KLHL29: variants seen among roughly 807,000 people sequenced by gnomAD.
The protein encoded by KLHL29 is kelch-like protein 29.
In KLHL29, 21 loss-of-function variants were observed where a neutral mutation model predicts 80.4. That is an observed-to-expected ratio of 0.26 (90% confidence interval 0.19 to 0.38). The LOEUF is 0.38. KLHL29 is among the 10% of genes least tolerant of loss of function. The pLI is 1.00. For synonymous variants in KLHL29, 511 were observed against 526.8 expected, an observed-to-expected ratio of 0.97 and a Z score of 0.41; for missense variants, 867 against 1,223.9, an observed-to-expected ratio of 0.71 and a Z score of 4.35.
At chr2:23,593,964 C>T (rs1411491648) in intron 3 of KLHL29, among the ~76,000 whole-genome samples, 1 of 152,174 alleles carries the variant, frequency 6.6e-6, no homozygotes, top group Non-Finnish European at 1.5e-5. Flanking sequence ...TGATCATTTC[C>T]CTGCCATGTC....
chr2:23,565,420 C>T (rs950365217), intron 3 of KLHL29, among the ~76,000 whole-genome samples: 4 of 152,106 alleles, frequency 2.6e-5, no homozygotes, highest in Non-Finnish European at 5.9e-5. Context: ...TCAGATAAGA[C>T]ACAGCAGCCA....
chr2:23,667,628 C>T (rs1670589048), intron 5 of KLHL29: 2 of 152,128 alleles, frequency 1.3e-5, no homozygotes, highest in South Asian at 4.1e-4. Flanking sequence ...CTCAGCGTCA[C>T]CACCACTGCA....
chr2:23,407,879 C>CTT (rs1446706512), intron 1 of KLHL29, among the ~76,000 whole-genome samples: 2 of 152,050 alleles, frequency 1.3e-5, no homozygotes, highest in East Asian at 3.8e-4. Flanking sequence ...AATGCTACCT[C>CTT]TCATACATTA....
chr2:23,429,522 G>A (rs1663109606), intron 1 of KLHL29, among the ~76,000 whole-genome samples: 1 of 152,206 alleles, frequency 6.6e-6, no homozygotes, highest in Non-Finnish European at 1.5e-5. Context: ...GGAGGCCGAG[G>A]TGGGCGGATT....
chr2:23,497,901 A>G (rs1294545584), intron 2 of KLHL29, among the ~76,000 whole-genome samples: 2 of 152,224 alleles, frequency 1.3e-5, no homozygotes, highest in African/African-American at 4.8e-5. Context: ...AAAGTATTCA[A>G]GGAGACAGAG....
intron 2 of KLHL29, among the ~76,000 whole-genome samples, chr2:23,509,223 G>A (rs1465977386): frequency 4.6e-5 from 7 of 152,264 alleles, no homozygotes; most frequent in Middle Eastern, 6.8e-3. Flanking sequence ...TGGGGATACC[G>A]GGTTATTTCT....
At chr2:23,694,714 C>A (rs576482510) in intron 8 of KLHL29, among the ~76,000 whole-genome samples, 1 of 152,262 alleles carries the variant, frequency 6.6e-6, no homozygotes, top group South Asian at 2.1e-4. Context: ...CACTCTCTGA[C>A]GCCTCTACAC....
intron 2 of KLHL29, among the ~76,000 whole-genome samples, chr2:23,534,199 T>C (rs1424415160): frequency 1.3e-5 from 2 of 152,106 alleles, no homozygotes; most frequent in East Asian, 1.9e-4. Flanking sequence ...TGAGACCTGG[T>C]GTTGAATCCA....
At chr2:23,455,885 C>A (rs1664036601) in intron 1 of KLHL29, among the ~76,000 whole-genome samples, 1 of 151,808 alleles carries the variant, frequency 6.6e-6, no homozygotes, top group Non-Finnish European at 1.5e-5. Flanking sequence ...GGACATAGGG[C>A]CTTTAAAGGG....
At chr2:23,416,746 C>T (rs1022901238) in intron 1 of KLHL29, among the ~76,000 whole-genome samples, 2 of 152,188 alleles carry the variant, frequency 1.3e-5, no homozygotes, top group African/African-American at 4.8e-5. Flanking sequence ...CCTTCCTGGC[C>T]ACGTTCCCTT....
chr2:23,638,322 G>T (rs1439268871), intron 3 of KLHL29, among the ~76,000 whole-genome samples: 1 of 151,882 alleles, frequency 6.6e-6, no homozygotes, highest in African/African-American at 2.4e-5. Context: ...TAGTACACAT[G>T]ATTTTTGATA....
chr2:23,562,654 C>A lies in KLHL29; in HGVS notation c.285+173C>A, dbSNP rs11686638. Among the ~76,000 whole-genome samples, 89,037 of 151,848 alleles carry A rather than the reference C, an allele frequency of 0.59. 28,312 individuals carry two copies. The highest frequency in any genetic ancestry group is 0.8 in the East Asian group (4,121 of 5,144). ...TGGAAACTGTTTGCGAGCATTCATG[C>A]GGGTTTTATTATCCATGAAGTCTTT... On this transcript the variant is annotated intron_variant, in intron 3 of 13. Coordinates refer to ENST00000486442, the MANE Select transcript of KLHL29 (RefSeq NM_052920.2). This position sits in a 1 kb window ranked among gnomAD's most constrained non-coding sequence, Gnocchi z 4.5.
At chr2:23,409,071 CTGT>C (rs1240444613) in intron 1 of KLHL29, among the ~76,000 whole-genome samples, 3 of 152,098 alleles carry the variant, frequency 2.0e-5, no homozygotes, top group Non-Finnish European at 2.9e-5. Context: ...TGGGTAGAGC[CTGT>C]TGTTGTTGAG....
chr2:23,598,363 G>C (rs1215874740), intron 3 of KLHL29, among the ~76,000 whole-genome samples: 2 of 152,194 alleles, frequency 1.3e-5, no homozygotes, highest in African/African-American at 2.4e-5. Flanking sequence ...GGACAGAGTG[G>C]AAGAGTTTAA....
At chr2:23,618,149 C>T (rs1181521168) in intron 3 of KLHL29, among the ~76,000 whole-genome samples, 1 of 152,082 alleles carries the variant, frequency 6.6e-6, no homozygotes, top group East Asian at 1.9e-4. Context: ...TCCAGCCCTG[C>T]TTAGTATTAT....
At chr2:23,651,154 G>A (rs1018404099) in intron 5 of KLHL29, among the ~76,000 whole-genome samples, 6 of 152,138 alleles carry the variant, frequency 3.9e-5, no homozygotes, top group Admixed American at 1.3e-4. Flanking sequence ...CATTGAAATC[G>A]TTGTCATTGC....
At chr2:23,430,668 A>G (rs147119526) in intron 1 of KLHL29, among the ~76,000 whole-genome samples, 178 of 152,284 alleles carry the variant, frequency 1.2e-3, no homozygotes, top group African/African-American at 4.2e-3. Flanking sequence ...TTCCCCAGGA[A>G]ACTCACCCTG....
In KLHL29 at chr2:23,385,227, C is replaced by T. The variant is rs546556097; in HGVS notation, c.-707C>T. 1 of 148,926 alleles carries T rather than the reference C, an allele frequency of 6.7e-6. No individual in the cohort carries two copies. Among genetic ancestry groups the T allele is most frequent in the Non-Finnish European group, 1.5e-5 (1 of 66,828 alleles). The allele number at this position is 148,926 out of a possible 1,614,324, so 9.2% of individuals were successfully genotyped here. On this transcript the variant is annotated 5_prime_UTR_variant, in exon 1 of 14. Coordinates refer to ENST00000486442, the MANE Select transcript of KLHL29 (RefSeq NM_052920.2). ...GCCAGAAGGGAGCATGGTCCCCGCG[C>T]CGCGGCCGCGCCAGCCCCCGCGCCG...
chr2:23,391,485 T>C (rs1231588008), intron 1 of KLHL29, among the ~76,000 whole-genome samples: 2 of 152,182 alleles, frequency 1.3e-5, no homozygotes, highest in Non-Finnish European at 2.9e-5. Flanking sequence ...TGGAGTGCAA[T>C]GGTGCAGTCT....
Sources: gnomAD v4.1 joint callset for allele counts (sites outside exome capture counted in the v4.1 genomes callset) on GRCh38, gnomAD v4.1.1 for gene constraint, Gnocchi (gnomAD v3.1) non-coding constraint, MANE v1.5 for transcripts, NCBI Gene and HGNC (gene_info 2026-07-23, HGNC 2026-07-21) for gene names.